The following ZFR variants were observed in gnomAD, a reference collection of about 807,000 sequenced individuals.
ZFR encodes zinc finger RNA binding protein.
A neutral mutation model predicts 130.7 loss-of-function variants in ZFR; 19 were observed. That is an observed-to-expected ratio of 0.15 (90% CI 0.10 to 0.21). ZFR has a LOEUF of 0.21. ZFR is among the 10% of genes least tolerant of loss of function. The pLI is 1.00. For synonymous variants in ZFR, 466 were observed against 456.9 expected (o/e 1.02, Z -0.25); for missense variants, 872 against 1,321.5 (o/e 0.66, Z 5.27).
At chr5:32,389,448 T>C (rs1421630397) in intron 12 of ZFR, among the ~76,000 whole-genome samples, 1 of 152,196 alleles carries the variant, frequency 6.6e-6, no homozygotes, top group Non-Finnish European at 1.5e-5. Flanking sequence ...CTTCCTAAAG[T>C]ACTGGGATTA....
intron 12 of ZFR, 57 bp downstream of exon 12, chr5:32,390,218 T>C: frequency 3.2e-6 from 5 of 1,564,242 alleles, no homozygotes; most frequent in Non-Finnish European, 1.7e-6. Context: ...AATTGTTTTC[T>C]TCTAATGCTG....
intron 17 of ZFR, among the ~76,000 whole-genome samples, chr5:32,372,872 T>C (rs1241252747): frequency 6.6e-6 from 1 of 151,684 alleles, no homozygotes; most frequent in African/African-American, 2.4e-5. Flanking sequence ...AGGAACAAAA[T>C]GACTGAAGTT....
At chr5:32,417,177 C>T (rs747427961) in intron 4 of ZFR, among the ~76,000 whole-genome samples, 21 of 150,778 alleles carry the variant, frequency 1.4e-4, no homozygotes, top group Non-Finnish European at 2.7e-4. Flanking sequence ...TCTTTGCAAA[C>T]GAAATGCTTC....
intron 16 of ZFR, 189 bp from the exon 17 acceptor site, chr5:32,379,399 T>C (rs1752890676): frequency 1.6e-6 from 1 of 628,378 alleles, no homozygotes; most frequent in Admixed American, 2.4e-5. Context: ...ATTTAAAAGC[T>C]GGTATTTAGG....
rs755849617 is a variant in ZFR at position 32,403,208 on chromosome 5, T to C, written c.1414A>G (p.Thr472Ala). ...GTGCTATTAAGAGACGAGTTTCCTGTAGTCGTAAGACCCTTCATTGAAGAC... is the reference window on the plus strand; with the variant it reads ...GTGCTATTAAGAGACGAGTTTCCTGCAGTCGTAAGACCCTTCATTGAAGAC... Reference protein sequence around the residue: ...ATSSMKGLTTTGNSSLNSTSN... With the variant: ...ATSSMKGLTTAGNSSLNSTSN... Residue 472 changes from threonine (T) to alanine (A), a missense_variant, in exon 8 of 20, where the codon ACA becomes GCA. Thr to Ala is a moderately conservative substitution (Grantham distance 58). Around this residue, in one of 7 missense-constraint regions of ZFR, gnomAD observed 143 missense variants for 137.9 expected, o/e 1.04. Coordinates refer to ENST00000265069, the MANE Select transcript of ZFR (RefSeq NM_016107.5). The C allele has an allele frequency of 4.3e-6, 7 of 1,614,232 alleles. No individual in the cohort carries two copies. Among genetic ancestry groups the C allele is most frequent in the Admixed American group, 1.7e-5 (1 of 60,032 alleles).
chr5:32,355,909 T>C lies in ZFR; in HGVS notation c.3076A>G (p.Ile1026Val), dbSNP rs143087898. The change falls in exon 20 of 20, where the codon ATA (isoleucine) becomes GTA (valine). Residue 1026 changes from isoleucine to valine, a missense_variant. Physicochemically the swap from Ile to Val is conservative, Grantham distance 29 (BLOSUM62 3). Around this residue, in one of 7 missense-constraint regions of ZFR, gnomAD observed 158 missense variants for 264.0 expected, o/e 0.60. Transcript: ENST00000265069. ...FALRLLAFRQ[I>V]HKVLGMDPLP... The stretch of plus-strand genomic sequence containing the variant: ...GGATCCATGCCTAGAACTTTGTGTA[T>C]CTGGCGGAATGCAAGGAGTCTCAAT... 2.6e-5 allele frequency: 41 copies of C among 1,596,494 alleles called. No individual in the cohort carries two copies. In the African/African-American group the frequency reaches 5.6e-4, roughly 22 times the overall value.
intron 2 of ZFR, among the ~76,000 whole-genome samples, chr5:32,424,565 A>T (rs941804920): frequency 2.6e-5 from 4 of 151,984 alleles, no homozygotes; most frequent in African/African-American, 9.7e-5. Context: ...GAAAAAAGGT[A>T]ATGAATGAAT....
At chr5:32,367,335 T>C (rs1581679180) in intron 17 of ZFR, among the ~76,000 whole-genome samples, 2 of 151,990 alleles carry the variant, frequency 1.3e-5, no homozygotes, top group South Asian at 4.1e-4. Flanking sequence ...CTCAGGAGGC[T>C]GAGGCAGGAG....
rs558172921 is a variant in ZFR at position 32,402,808 on chromosome 5, CA to C, written c.1516+297del. On this transcript the variant is annotated intron_variant, in intron 8 of 19. Coordinates refer to ENST00000265069, the MANE Select transcript of ZFR (RefSeq NM_016107.5). ...TGAAAAAAAAAAAAACAAAAAAAAC[CA>C]ATCAGGTTACCTTAAGATTAGAGAA... Among the ~76,000 whole-genome samples, 845 of 149,996 alleles carry C rather than the reference CA, an allele frequency of 5.6e-3. 6 individuals are homozygous for C. The highest frequency in any genetic ancestry group is 0.034 in the Middle Eastern group (10 of 294).
intron 12 of ZFR, among the ~76,000 whole-genome samples, 174 bp from the exon 13 acceptor site, chr5:32,388,848 A>G (rs1397013163): frequency 1.3e-5 from 2 of 152,156 alleles, no homozygotes; most frequent in African/African-American, 2.4e-5. Flanking sequence ...CATCAAGACT[A>G]TATGTATGTA....
chr5:32,373,970 C>T (rs888933776), intron 17 of ZFR, among the ~76,000 whole-genome samples: 1 of 152,132 alleles, frequency 6.6e-6, no homozygotes, highest in African/African-American at 2.4e-5. Flanking sequence ...AGAACACACC[C>T]TGTGAAGTGC....
chr5:32,434,448 T>A (rs367614), intron 2 of ZFR, among the ~76,000 whole-genome samples: 95,071 of 152,110 alleles, frequency 0.63, 30,128 homozygotes, highest in African/African-American at 0.72. Flanking sequence ...CAATTTTGCA[T>A]TCTCAACTGT....
chr5:32,438,253 A>AAT (rs1754385647), intron 2 of ZFR, among the ~76,000 whole-genome samples: 1 of 61,046 alleles, frequency 1.6e-5, no homozygotes, highest in African/African-American at 7.2e-5. Flanking sequence ...TTATCTGAAA[A>AAT]TTTTTTTTTT....
At position 32,444,222 on chromosome 5, in the gene ZFR, C is replaced by A; in HGVS notation, c.137+7G>T. 6.3e-7 allele frequency: 1 copy of A among 1,595,130 alleles called. No homozygotes were observed. The highest frequency in any genetic ancestry group is 8.5e-7 in the Non-Finnish European group (1 of 1,172,306). The stretch of plus-strand genomic sequence containing the variant: ...GGGCGAACAGAGAGAAGGCAGGATG[C>A]CGTTACCTATATTGGGCCGCAGCCG... On this transcript the variant is annotated splice_region_variant and intron_variant, in intron 2 of 19. Transcript: ENST00000265069.
chr5:32,444,375 C>G (rs1313018675), intron 1 of ZFR, 47 bp from the exon 2 acceptor site: 27 of 1,518,838 alleles, frequency 1.8e-5, no homozygotes, highest in Non-Finnish European at 2.4e-5. Context: ...ACAAGAGACA[C>G]AGAGGAGCCG....
intron 17 of ZFR, among the ~76,000 whole-genome samples, chr5:32,375,380 T>C (rs964623113): frequency 2.0e-5 from 3 of 152,252 alleles, no homozygotes; most frequent in Non-Finnish European, 4.4e-5. Flanking sequence ...ACATTTTTAA[T>C]ACAATCAGTA....
intron 14 of ZFR, among the ~76,000 whole-genome samples, chr5:32,386,049 T>C (rs1753039739): frequency 6.6e-6 from 1 of 152,108 alleles, no homozygotes; most frequent in South Asian, 2.1e-4. Flanking sequence ...AAATACACAT[T>C]TTATCAGGGA....
At chr5:32,397,846 T>C (rs1753352146) in intron 9 of ZFR, among the ~76,000 whole-genome samples, 1 of 128,054 alleles carries the variant, frequency 7.8e-6, no homozygotes, top group Non-Finnish European at 1.6e-5. Context: ...TTTGCTCTTG[T>C]ATCTTTTTTT....
chr5:32,433,499 GT>G (rs1754265846), intron 2 of ZFR, among the ~76,000 whole-genome samples: 1 of 152,100 alleles, frequency 6.6e-6, no homozygotes, highest in African/African-American at 2.4e-5. Flanking sequence ...GTTCTATCTG[GT>G]TCATCATTAC....
Sources: allele counts gnomAD v4.1 joint callset (sites outside exome capture counted in the v4.1 genomes callset), GRCh38; gene constraint gnomAD v4.1.1; regional missense constraint gnomAD v4.1.1; transcripts MANE v1.5; gene names NCBI Gene and HGNC (gene_info 2026-07-23, HGNC 2026-07-21).